The following KAZN variants were observed in gnomAD, a reference collection of about 807,000 sequenced individuals.
The protein encoded by KAZN is kazrin, periplakin interacting protein, also known as kazrin.
Under a neutral mutation model 87.4 loss-of-function variants are expected in KAZN, and 40 were observed. The ratio of observed to expected loss-of-function variants is 0.46; its 90% CI spans 0.36 to 0.60. The LOEUF is 0.60. Ranked by LOEUF, KAZN falls within the 20% of genes least tolerant of loss-of-function variation. KAZN has a pLI of 0.00. For missense variants in KAZN, 898 were observed against 1,073.9 expected (o/e 0.84, Z 2.29); for synonymous variants, 466 against 458.3 (o/e 1.02, Z -0.22).
intron 2 of KAZN, among the ~76,000 whole-genome samples, chr1:14,517,941 G>A (rs1671383360): frequency 2.0e-5 from 3 of 152,168 alleles, no homozygotes; most frequent in Admixed American, 2.0e-4. Context: ...AGGAAATAGA[G>A]TACAGGAAAT....
chr1:14,756,715 GGGCATTGTGAATATACCA>G (rs1644577449), intron 1 of KAZN, among the ~76,000 whole-genome samples: 1 of 152,156 alleles, frequency 6.6e-6, no homozygotes. Context: ...CCCCAGGTCT[GGGCATTGTGAATATACCA>G]GGCATTGTGA....
intron 1 of KAZN, among the ~76,000 whole-genome samples, chr1:14,112,773 G>A (rs1644528196): frequency 6.6e-6 from 1 of 152,184 alleles, no homozygotes; most frequent in Non-Finnish European, 1.5e-5. Flanking sequence ...GACTAGGCTG[G>A]CTGTGCTTCT....
chr1:13,940,868 T>G (rs2100967634), intron 1 of KAZN, among the ~76,000 whole-genome samples: 1 of 152,280 alleles, frequency 6.6e-6, no homozygotes, highest in Non-Finnish European at 1.5e-5. Flanking sequence ...TATTTATACC[T>G]AAAAGTTCTG....
intron 4 of KAZN, among the ~76,000 whole-genome samples, chr1:15,051,976 C>T (rs773162993): frequency 1.3e-5 from 2 of 152,132 alleles, no homozygotes; most frequent in African/African-American, 2.4e-5. Context: ...AGGAGCTTGA[C>T]GTTCCAAGTT....
At chr1:14,002,737 C>T (rs1337344162) in intron 1 of KAZN, among the ~76,000 whole-genome samples, 2 of 152,130 alleles carry the variant, frequency 1.3e-5, no homozygotes, top group Non-Finnish European at 2.9e-5. Flanking sequence ...GAAATAGGAA[C>T]GCTTTTACGC....
rs141260013 is a variant in KAZN at position 13,951,872 on chromosome 1, C to G, written c.91+58116C>G. ...TAAAAGTGCCTTAAGACACATGATGCCAAGGTATGACCCACAGTGCTGTTG... is the reference window on the plus strand; with the variant it reads ...TAAAAGTGCCTTAAGACACATGATGGCAAGGTATGACCCACAGTGCTGTTG... On this transcript the variant is annotated intron_variant, in intron 1 of 16. Coordinates refer to the KAZN transcript ENST00000636203. Among the ~76,000 whole-genome samples, 651 of 152,246 alleles carry G rather than the reference C, an allele frequency of 4.3e-3. 3 individuals carry two copies. Among genetic ancestry groups the G allele is most frequent in the African/African-American group, 0.015 (624 of 41,542 alleles).
At chr1:14,393,349 T>C (rs537819476) in intron 2 of KAZN, among the ~76,000 whole-genome samples, 11 of 152,314 alleles carry the variant, frequency 7.2e-5, no homozygotes, top group East Asian at 5.8e-4. Flanking sequence ...TATATTGCTA[T>C]TATCATCATG....
chr1:14,790,216 C>T (rs946950006), intron 1 of KAZN, among the ~76,000 whole-genome samples: 88 of 151,478 alleles, frequency 5.8e-4, no homozygotes, highest in African/African-American at 2.0e-3. Context: ...TTCTCCATGT[C>T]GGTCAGGCTA....
At chr1:14,849,734 A>G (rs1649208147) in intron 1 of KAZN, among the ~76,000 whole-genome samples, 1 of 152,206 alleles carries the variant, frequency 6.6e-6, no homozygotes, top group Admixed American at 6.5e-5. Context: ...CGCTTCTGAT[A>G]GAGACCATTT....
chr1:14,149,748 G>A (rs1645434050), intron 1 of KAZN, among the ~76,000 whole-genome samples: 1 of 152,182 alleles, frequency 6.6e-6, no homozygotes, highest in African/African-American at 2.4e-5. Flanking sequence ...AAATAAGTAT[G>A]AGTCCATCGT....
intron 2 of KAZN, among the ~76,000 whole-genome samples, chr1:14,402,812 G>A (rs1316911738): frequency 6.6e-6 from 1 of 151,824 alleles, no homozygotes; most frequent in Non-Finnish European, 1.5e-5. Flanking sequence ...AAATCTCACA[G>A]ACCCAAATGG....
chr1:13,959,567 T>C (rs1309332215), intron 1 of KAZN, among the ~76,000 whole-genome samples: 1 of 152,222 alleles, frequency 6.6e-6, no homozygotes, highest in Non-Finnish European at 1.5e-5. Context: ...AACATGGCCC[T>C]GCCCTCTCGC....
intron 2 of KAZN, among the ~76,000 whole-genome samples, chr1:14,557,201 A>G (rs1673936811): frequency 6.6e-6 from 1 of 152,242 alleles, no homozygotes; most frequent in Admixed American, 6.5e-5. Context: ...GTGAATCTTA[A>G]GTTATCCCCA....
At chr1:15,041,381 G>A (rs113597964) in intron 3 of KAZN, among the ~76,000 whole-genome samples, 2,675 of 123,944 alleles carry the variant, frequency 0.022, 95 homozygotes, top group African/African-American at 0.08. Context: ...CTTATTGCCC[G>A]GGTTGGAGTG....
intron 2 of KAZN, among the ~76,000 whole-genome samples, chr1:14,483,220 G>C (rs546737004): frequency 1.3e-5 from 2 of 152,118 alleles, no homozygotes; most frequent in Non-Finnish European, 2.9e-5. Flanking sequence ...TCCAGCAAGG[G>C]AGAGTCACAT....
intron 2 of KAZN, among the ~76,000 whole-genome samples, chr1:14,535,643 CCA>C (rs1274301406): frequency 3.3e-5 from 5 of 150,782 alleles, no homozygotes; most frequent in African/African-American, 7.3e-5. Context: ...TCCAGCCTGG[CCA>C]CAGAGTGAGA....
At chr1:14,231,776 T>A (rs1647875594) in intron 2 of KAZN, among the ~76,000 whole-genome samples, 1 of 152,216 alleles carries the variant, frequency 6.6e-6, no homozygotes, top group South Asian at 2.1e-4. Context: ...TAATAGATAA[T>A]TCTCCAAATC....
At chr1:14,331,583 T>C (rs940081985) in intron 2 of KAZN, among the ~76,000 whole-genome samples, 46 of 152,230 alleles carry the variant, frequency 3.0e-4, no homozygotes, top group African/African-American at 1.1e-3. Context: ...GGGTTAATTA[T>C]AAGCTGTGGT....
chr1:14,298,660 T>C (rs1654306725), intron 2 of KAZN, among the ~76,000 whole-genome samples: 1 of 152,220 alleles, frequency 6.6e-6, no homozygotes, highest in African/African-American at 2.4e-5. Flanking sequence ...ACCTGGCACA[T>C]GAAGCCAGTG....
Sources: gnomAD v4.1 joint callset for allele counts (sites outside exome capture counted in the v4.1 genomes callset) on GRCh38, gnomAD v4.1.1 for gene constraint, MANE v1.5 for transcripts, NCBI Gene and HGNC (gene_info 2026-07-23, HGNC 2026-07-21) for gene names.